Variants in WDR27 observed in about 807,000 individuals in gnomAD.
WDR27 encodes WD repeat-containing protein 27.
In WDR27, 100 loss-of-function variants were observed where a neutral mutation model predicts 114.4. The observed-to-expected ratio is 0.87, with a 90% CI of 0.74 to 1.03. The LOEUF is 1.03. Among genes scored for constraint, WDR27 ranks in the 50% least tolerant of loss-of-function variants. The pLI is 0.00. For missense variants in WDR27, 1,129 were observed against 1,092.9 expected, an observed-to-expected ratio of 1.03 and a Z score of -0.47; for synonymous variants, 449 against 423.1, an observed-to-expected ratio of 1.06 and a Z score of -0.75.
chr6:169,670,953 A>G (rs549300565), intron 3 of WDR27: 17 of 437,096 alleles, frequency 3.9e-5, no homozygotes, highest in African/African-American at 2.4e-4. Context: ...TGGAGGCTGC[A>G]GTACCTGTGC....
In WDR27 at chr6:169,668,094, G is replaced by C; in HGVS notation, c.548C>G (p.Thr183Ser). Residue 183 changes from threonine (T) to serine (S), a missense_variant, in exon 5 of 26, where the codon ACT becomes AGT. Transcript: ENST00000448612. ...PPTFLHTFSQ[T>S]QAVRAELQGH... is the part of the protein sequence containing the mutation. The stretch of plus-strand genomic sequence containing the variant: ...CTGCAGCTCGGCCCGAACAGCCTGA[G>C]TCTGAGAGAATGTGTGCAGGAAGGT... The C allele has an allele frequency of 1.2e-6, 2 of 1,614,072 alleles. No homozygotes were observed. Among genetic ancestry groups the C allele is most frequent in the Non-Finnish European group, 1.7e-6 (2 of 1,179,900 alleles).
rs530009383 is a variant in WDR27, at chr6:169,697,748, C to T, written c.-8+3803G>A. Reference sequence around the variant, plus strand: ...GGAAGGGCCCCCTGTCCAGTGGACACGTGACCCACATGGCCTTACCTATGG... The same window carrying T: ...GGAAGGGCCCCCTGTCCAGTGGACATGTGACCCACATGGCCTTACCTATGG... On this transcript the variant is annotated intron_variant, in intron 1 of 25. Coordinates refer to ENST00000448612, the MANE Select transcript of WDR27 (RefSeq NM_182552.5). Among the ~76,000 whole-genome samples the T allele has an allele frequency of 1.4e-3, 214 of 152,344 alleles. 1 individual carries two copies. Among genetic ancestry groups the T allele is most frequent in the Middle Eastern group, 3.4e-3 (1 of 294 alleles).
intron 25 of WDR27, among the ~76,000 whole-genome samples, chr6:169,544,722 A>C (rs1797242803): frequency 6.6e-6 from 1 of 152,230 alleles, no homozygotes; most frequent in Non-Finnish European, 1.5e-5. Flanking sequence ...GGTGTGAGCC[A>C]CTGCACTCAG....
intron 23 of WDR27, among the ~76,000 whole-genome samples, chr6:169,592,704 C>T (rs1446651278): frequency 6.6e-6 from 1 of 152,150 alleles, no homozygotes; most frequent in Non-Finnish European, 1.5e-5. Context: ...GAAATACCTC[C>T]AATACCCTGT....
chr6:169,699,042 C>T (rs1787080297), intron 1 of WDR27, among the ~76,000 whole-genome samples: 1 of 152,272 alleles, frequency 6.6e-6, no homozygotes, highest in South Asian at 2.1e-4. Context: ...TCACGTTAGG[C>T]AGTGACAAAC....
intron 25 of WDR27, among the ~76,000 whole-genome samples, chr6:169,516,370 T>G (rs1041998728): frequency 6.6e-6 from 1 of 152,162 alleles, no homozygotes; most frequent in African/African-American, 2.4e-5. Flanking sequence ...CACAAAGACT[T>G]TAATAATTTA....
chr6:169,658,845 G>A (rs1241975292), intron 12 of WDR27, among the ~76,000 whole-genome samples: 1 of 152,018 alleles, frequency 6.6e-6, no homozygotes. Context: ...CACCATGCCT[G>A]GCTAATTGTT....
intron 4 of WDR27, chr6:169,669,910 TTTA>T (rs1244935587): frequency 2.0e-5 from 3 of 151,916 alleles, no homozygotes; most frequent in Non-Finnish European, 4.4e-5. Flanking sequence ...CTCGCCTACG[TTTA>T]TTAAGTGGCT....
At chr6:169,537,575 G>A (rs1273649370) in intron 25 of WDR27, among the ~76,000 whole-genome samples, 1 of 152,190 alleles carries the variant, frequency 6.6e-6, no homozygotes, top group Non-Finnish European at 1.5e-5. Context: ...TATCAGATGG[G>A]GGAGAGTGGA....
chr6:169,660,281 C>T (rs114196037), intron 10 of WDR27, among the ~76,000 whole-genome samples: 89 of 152,214 alleles, frequency 5.8e-4, no homozygotes, highest in African/African-American at 2.0e-3. Flanking sequence ...GAGAGGAGTG[C>T]GCCTCGGCCG....
the WDR27 span, among the ~76,000 whole-genome samples, chr6:169,431,398 C>G: frequency 2.6e-5 from 4 of 152,172 alleles, no homozygotes; most frequent in African/African-American, 9.7e-5. Flanking sequence ...GCTGAAACTA[C>G]AACACGCAGC....
At chr6:169,595,351 T>C (rs906991301) in intron 23 of WDR27, among the ~76,000 whole-genome samples, 1 of 152,228 alleles carries the variant, frequency 6.6e-6, no homozygotes, top group African/African-American at 2.4e-5. Context: ...TTATCTTTTA[T>C]TAAAAGCTTT....
intron 25 of WDR27, among the ~76,000 whole-genome samples, chr6:169,504,055 G>A (rs34475279): frequency 0.029 from 4,404 of 152,036 alleles, 103 homozygotes; most frequent in Non-Finnish European, 0.041. Flanking sequence ...ATAAAAAATC[G>A]GACATTAATG....
At chr6:169,470,394 C>T (rs1019525223) in intron 25 of WDR27, among the ~76,000 whole-genome samples, 7 of 152,216 alleles carry the variant, frequency 4.6e-5, no homozygotes, top group African/African-American at 1.7e-4. Context: ...CTTCCACATT[C>T]GTAAGTATTT....
the WDR27 span, among the ~76,000 whole-genome samples, chr6:169,447,606 C>T: frequency 1.3e-5 from 2 of 152,190 alleles, no homozygotes. Flanking sequence ...TAGGGATTTT[C>T]AGAACAAACT....
chr6:169,550,775 A>G (rs1490621534), intron 25 of WDR27, among the ~76,000 whole-genome samples: 4 of 151,398 alleles, frequency 2.6e-5, no homozygotes, highest in Admixed American at 2.6e-4. Context: ...GAGTGCAGTG[A>G]CTCAATCACA....
At chr6:169,651,213 G>A (rs1176128242) in intron 14 of WDR27, among the ~76,000 whole-genome samples, 3 of 144,650 alleles carry the variant, frequency 2.1e-5, no homozygotes, top group Non-Finnish European at 4.5e-5. Context: ...GTGGGGGAGT[G>A]GCCAGGGGCA....
intron 25 of WDR27, among the ~76,000 whole-genome samples, chr6:169,552,372 C>G (rs367712174): frequency 6.6e-6 from 1 of 152,186 alleles, no homozygotes; most frequent in African/African-American, 2.4e-5. Context: ...GCCAGCTCCA[C>G]GAGGACTTTC....
intron 25 of WDR27, among the ~76,000 whole-genome samples, chr6:169,522,059 C>T (rs1404709991): frequency 6.6e-6 from 1 of 152,002 alleles, no homozygotes; most frequent in Non-Finnish European, 1.5e-5. Context: ...AATAAAGAAA[C>T]ATGACCCAAC....
Sources: gnomAD v4.1 joint callset for allele counts (sites outside exome capture counted in the v4.1 genomes callset) on GRCh38, gnomAD v4.1.1 for gene constraint, MANE v1.5 for transcripts, NCBI Gene and HGNC (gene_info 2026-07-23, HGNC 2026-07-21) for gene names.